CARMIL1: variants seen among roughly 807,000 people sequenced by gnomAD.
CARMIL1 encodes F-actin-uncapping protein LRRC16A.
Under a neutral mutation model 177.1 loss-of-function variants are expected in CARMIL1, and 90 were observed. That is an observed-to-expected ratio of 0.51 (90% CI 0.43 to 0.61). CARMIL1 has a LOEUF of 0.61. Among genes scored for constraint, CARMIL1 ranks in the 20% least tolerant of loss-of-function variants. The pLI, the probability that CARMIL1 is intolerant of heterozygous loss-of-function variation, is 0.00. For synonymous variants in CARMIL1, 577 were observed against 606.2 expected (o/e 0.95, Z 0.71); for missense variants, 1,380 against 1,667.0 (o/e 0.83, Z 3.00).
chr6:25,460,681 A>G (rs139463536), intron 8 of CARMIL1, among the ~76,000 whole-genome samples: 1 of 152,330 alleles, frequency 6.6e-6, no homozygotes, highest in East Asian at 1.9e-4. Flanking sequence ...ATGTGTAGCT[A>G]TAATTTATTA....
chr6:25,435,603 G>T lies in CARMIL1; in HGVS notation c.370G>T (p.Val124Leu). The T allele has an allele frequency of 6.3e-7, 1 of 1,576,846 alleles. No homozygotes were observed. The change falls in exon 5 of 37, where the codon GTG becomes TTG. Residue 124 changes from valine to leucine, a missense_variant and splice_region_variant. Coordinates refer to ENST00000329474, the MANE Select transcript of CARMIL1 (RefSeq NM_017640.6). ...GAAGATATTTCCTGGCCTCTCTCCA[G>T]TGTGAGTTTCCCTGGGCAGGGTGAG... The part of the protein sequence containing the change: ...LRKIFPGLSP[V>L]RIMKKVSMEP...
At chr6:25,438,815 G>T (rs1797464532) in intron 5 of CARMIL1, among the ~76,000 whole-genome samples, 1 of 152,116 alleles carries the variant, frequency 6.6e-6, no homozygotes, top group South Asian at 2.1e-4. Flanking sequence ...TAACATTTTA[G>T]GGGTGGGAGA....
intron 26 of CARMIL1, among the ~76,000 whole-genome samples, chr6:25,543,645 C>A: frequency 6.6e-6 from 1 of 152,062 alleles, no homozygotes; most frequent in East Asian, 1.9e-4. Context: ...TGGTAAAATA[C>A]TTGACTGGTA....
chr6:25,359,666 A>T (rs916538945), intron 2 of CARMIL1, among the ~76,000 whole-genome samples: 9 of 152,208 alleles, frequency 5.9e-5, no homozygotes, highest in African/African-American at 2.2e-4. Flanking sequence ...CGTTCCCTTG[A>T]CTATTGCAGC....
chr6:25,293,869 G>T (rs1474310492), intron 2 of CARMIL1, among the ~76,000 whole-genome samples: 1 of 152,120 alleles, frequency 6.6e-6, no homozygotes, highest in East Asian at 1.9e-4. Context: ...CTACAGGCAT[G>T]GGCTGCCCCA....
chr6:25,574,526 A>C (rs1812410115), intron 29 of CARMIL1, among the ~76,000 whole-genome samples: 1 of 152,192 alleles, frequency 6.6e-6, no homozygotes, highest in South Asian at 2.1e-4. Context: ...TAATAGCATC[A>C]TTTGACCACT....
At chr6:25,332,815 T>A (rs1441246434) in intron 2 of CARMIL1, among the ~76,000 whole-genome samples, 1 of 140,238 alleles carries the variant, frequency 7.1e-6, no homozygotes, top group African/African-American at 2.7e-5. Flanking sequence ...ACTTCTCATG[T>A]CCACAGCAAC....
chr6:25,379,596 C>T (rs1317531355), intron 2 of CARMIL1, among the ~76,000 whole-genome samples: 2 of 152,056 alleles, frequency 1.3e-5, no homozygotes, highest in Non-Finnish European at 2.9e-5. Context: ...TGAGGTGGCT[C>T]CAGGGCTTTG....
chr6:25,538,911 A>G (rs116461972), intron 25 of CARMIL1, among the ~76,000 whole-genome samples: 4,248 of 152,154 alleles, frequency 0.028, 80 homozygotes, highest in South Asian at 0.1. Flanking sequence ...AGTCGTGTCT[A>G]TGTAATGGGT....
intron 5 of CARMIL1, among the ~76,000 whole-genome samples, chr6:25,447,406 A>T (rs989072042): frequency 6.6e-6 from 1 of 152,260 alleles, no homozygotes; most frequent in Non-Finnish European, 1.5e-5. Context: ...CATCCATTCA[A>T]TCAGAAAATG....
intron 8 of CARMIL1, chr6:25,451,985 T>TTCC (rs1798973622): frequency 9.5e-5 from 10 of 105,370 alleles, no homozygotes; most frequent in Admixed American, 2.4e-4. Flanking sequence ...ACTAGCATCT[T>TTCC]GCCCCCCCCT....
intron 24 of CARMIL1, among the ~76,000 whole-genome samples, chr6:25,530,668 C>T (rs541808376): frequency 3.3e-5 from 5 of 152,064 alleles, no homozygotes; most frequent in Non-Finnish European, 7.4e-5. Context: ...CTCAGAAATT[C>T]TATTCCCGTC....
intron 2 of CARMIL1, among the ~76,000 whole-genome samples, chr6:25,363,249 T>A (rs1331155960): frequency 1.3e-5 from 2 of 151,764 alleles, no homozygotes; most frequent in Non-Finnish European, 2.9e-5. Context: ...ATTTTCTTTT[T>A]TATCGGTGCT....
rs749693733 is a variant in CARMIL1 at position 25,537,902 on chromosome 6, A to T, written c.2115A>T (p.Leu705Phe). ...CVKVQDHLNS[L>F]RNCGGDAIQE... ...AAGTACAAGATCATCTCAACTCCTT[A>T]CGAAATTGTGGGGGAGACGCTATCC... Residue 705 changes from leucine to phenylalanine, a missense_variant, in exon 25 of 37, where the codon TTA becomes TTT. Coordinates refer to ENST00000329474, the MANE Select transcript of CARMIL1 (RefSeq NM_017640.6). The T allele has an allele frequency of 5.6e-6, 9 of 1,609,502 alleles. No homozygotes were observed. The South Asian group carries it at 1.0e-4, about 18-fold the overall frequency.
At chr6:25,604,726 G>T in intron 33 of CARMIL1, 86 bp from the exon 34 acceptor site, 1 of 1,056,754 alleles carries the variant, frequency 9.5e-7, no homozygotes, top group Non-Finnish European at 1.4e-6. Context: ...GCCCTTCTTT[G>T]CTGTCATTTA....
intron 5 of CARMIL1, among the ~76,000 whole-genome samples, chr6:25,440,624 T>G (rs2150791078): frequency 6.6e-6 from 1 of 152,340 alleles, no homozygotes; most frequent in East Asian, 1.9e-4. Flanking sequence ...TTGGTAACCG[T>G]ATCTTTTCTC....
At chr6:25,396,484 CCCGAGTAGCT>C (rs1793407419) in intron 2 of CARMIL1, among the ~76,000 whole-genome samples, 1 of 151,634 alleles carries the variant, frequency 6.6e-6, no homozygotes, top group Non-Finnish European at 1.5e-5. Flanking sequence ...GTCTCAGCCT[CCCGAGTAGCT>C]GGGATTACAG....
intron 2 of CARMIL1, among the ~76,000 whole-genome samples, chr6:25,290,216 C>T (rs1235256774): frequency 6.6e-6 from 1 of 152,134 alleles, no homozygotes; most frequent in African/African-American, 2.4e-5. Flanking sequence ...CCACCTCAGC[C>T]TCCCAAGTAG....
intron 26 of CARMIL1, among the ~76,000 whole-genome samples, chr6:25,547,508 A>G (rs111574701): frequency 2.3e-3 from 355 of 152,332 alleles, no homozygotes; most frequent in African/African-American, 8.1e-3. Flanking sequence ...AAATGACAGA[A>G]GTAGCACTGA....
Sources: allele counts gnomAD v4.1 joint callset (sites outside exome capture counted in the v4.1 genomes callset), GRCh38; gene constraint gnomAD v4.1.1; transcripts MANE v1.5; gene names NCBI Gene and HGNC (gene_info 2026-07-23, HGNC 2026-07-21).